Variants in CACNG2 observed in about 807,000 individuals in gnomAD.
The protein encoded by CACNG2 is calcium voltage-gated channel auxiliary subunit gamma 2.
A neutral mutation model predicts 25.9 loss-of-function variants in CACNG2; 3 were observed. That is an observed-to-expected ratio of 0.12 (90% CI 0.05 to 0.30). The LOEUF is 0.30. Ranked by LOEUF, CACNG2 falls within the 10% of genes least tolerant of loss-of-function variation. The pLI is 1.00. For missense variants in CACNG2, 341 were observed against 432.5 expected, an observed-to-expected ratio of 0.79 and a Z score of 1.88; for synonymous variants, 167 against 173.3, an observed-to-expected ratio of 0.96 and a Z score of 0.29.
intron 2 of CACNG2, among the ~76,000 whole-genome samples, chr22:36,574,627 A>G (rs934956839): frequency 2.0e-5 from 3 of 152,170 alleles, no homozygotes; most frequent in Non-Finnish European, 2.9e-5. Flanking sequence ...CTAAAAAAAT[A>G]CAAAATTAGC....
chr22:36,587,428 C>A (rs770988298), intron 2 of CACNG2, 37 bp downstream of exon 2: 1 of 1,471,134 alleles, frequency 6.8e-7, no homozygotes, highest in East Asian at 2.3e-5. Flanking sequence ...CAGGGCCCAC[C>A]ACCAGGAGGG....
intron 1 of CACNG2, among the ~76,000 whole-genome samples, chr22:36,652,837 T>C (rs1017188158): frequency 7.9e-5 from 12 of 152,112 alleles, no homozygotes; most frequent in African/African-American, 2.7e-4. Flanking sequence ...ACTGCTCTAG[T>C]TACTTTTCAC....
chr22:36,678,541 C>G (rs1400575335), intron 1 of CACNG2, among the ~76,000 whole-genome samples: 1 of 152,048 alleles, frequency 6.6e-6, no homozygotes, highest in African/African-American at 2.4e-5. Context: ...CCTTCTCCCC[C>G]ACAGTTCTGA....
intron 1 of CACNG2, among the ~76,000 whole-genome samples, chr22:36,700,046 A>G (rs1334481951): frequency 2.6e-5 from 4 of 152,364 alleles, no homozygotes; most frequent in Non-Finnish European, 4.4e-5. Context: ...GAAAGGGAGT[A>G]TCATCCCTGA....
At chr22:36,698,305 C>T (rs2146020762) in intron 1 of CACNG2, among the ~76,000 whole-genome samples, 1 of 152,256 alleles carries the variant, frequency 6.6e-6, no homozygotes, top group Non-Finnish European at 1.5e-5. Context: ...TTCTTATGCG[C>T]TTCCTGTGTG....
At chr22:36,571,776 C>G (rs557694915) in intron 2 of CACNG2, among the ~76,000 whole-genome samples, 3 of 151,208 alleles carry the variant, frequency 2.0e-5, no homozygotes, top group African/African-American at 7.3e-5. Context: ...ACTTGGGGGG[C>G]TGAGGCAGGA....
At chr22:36,584,302 A>T (rs1935465780) in intron 2 of CACNG2, among the ~76,000 whole-genome samples, 1 of 152,146 alleles carries the variant, frequency 6.6e-6, no homozygotes, top group Non-Finnish European at 1.5e-5. Context: ...AAATACAAAA[A>T]AATTAGCCAG....
intron 1 of CACNG2, among the ~76,000 whole-genome samples, chr22:36,600,952 AAC>A (rs1935746402): frequency 6.6e-6 from 1 of 152,234 alleles, no homozygotes; most frequent in African/African-American, 2.4e-5. Context: ...TGGAAAAACT[AAC>A]ACATCCATCA....
chr22:36,638,167 C>G (rs1468816724), intron 1 of CACNG2, among the ~76,000 whole-genome samples: 1 of 152,212 alleles, frequency 6.6e-6, no homozygotes, highest in African/African-American at 2.4e-5. Flanking sequence ...CCACCCATTT[C>G]TCATCACTGC....
chr22:36,658,015 T>G (rs1936733768), intron 1 of CACNG2, among the ~76,000 whole-genome samples: 1 of 152,172 alleles, frequency 6.6e-6, no homozygotes, highest in East Asian at 1.9e-4. Flanking sequence ...GACTTTTCAC[T>G]TCTGGGGGTT....
At chr22:36,679,512 ACAAT>A (rs1937068831) in intron 1 of CACNG2, among the ~76,000 whole-genome samples, 1 of 152,218 alleles carries the variant, frequency 6.6e-6, no homozygotes, top group Non-Finnish European at 1.5e-5. Flanking sequence ...GAACCAGATT[ACAAT>A]CAGTTATGCA....
intron 1 of CACNG2, among the ~76,000 whole-genome samples, chr22:36,624,026 C>T (rs1009423750): frequency 7.9e-5 from 12 of 152,118 alleles, no homozygotes; most frequent in Non-Finnish European, 1.5e-4. Flanking sequence ...TCCTAAGCGG[C>T]GACTCCTCAC....
At position 36,671,001 on chromosome 22, in the gene CACNG2, C is replaced by A. The variant is rs1239951985; in HGVS notation, c.211+31365G>T. ...TGGCATGATCTTGGCTCACTGCAAC[C>A]TCTGCCTCCTGGGTTCAAGCGATTC... On this transcript the variant is annotated intron_variant, in intron 1 of 3. Coordinates refer to ENST00000300105, the MANE Select transcript of CACNG2 (RefSeq NM_006078.5). Among the ~76,000 whole-genome samples the A allele has an allele frequency of 2.6e-5, 4 of 151,890 alleles. No homozygotes were observed. The East Asian group carries it at 7.7e-4, about 29-fold the overall frequency.
intron 1 of CACNG2, among the ~76,000 whole-genome samples, chr22:36,632,973 C>G (rs1341192580): frequency 2.0e-5 from 3 of 152,132 alleles, no homozygotes; most frequent in Non-Finnish European, 4.4e-5. Flanking sequence ...TCCAGCTCAC[C>G]CAATCTACTT....
chr22:36,579,436 C>T (rs574394781), intron 2 of CACNG2, among the ~76,000 whole-genome samples: 9 of 148,030 alleles, frequency 6.1e-5, no homozygotes, highest in East Asian at 2.0e-4. Context: ...AAAAAGCTGC[C>T]GGCTGTCTTG....
intron 1 of CACNG2, among the ~76,000 whole-genome samples, chr22:36,684,645 G>T (rs1013049295): frequency 6.8e-6 from 1 of 147,380 alleles, no homozygotes; most frequent in Non-Finnish European, 1.5e-5. Context: ...AGTAAAAAAA[G>T]ATATGTGTTT....
chr22:36,568,787 T>C (rs534454215), intron 2 of CACNG2, among the ~76,000 whole-genome samples: 1 of 147,974 alleles, frequency 6.8e-6, no homozygotes, highest in Non-Finnish European at 1.5e-5. Flanking sequence ...TGCTCACAAA[T>C]GGGTGAGTGG....
At chr22:36,637,839 T>A (rs1453943593) in intron 1 of CACNG2, among the ~76,000 whole-genome samples, 3 of 152,030 alleles carry the variant, frequency 2.0e-5, no homozygotes, top group Non-Finnish European at 2.9e-5. Flanking sequence ...CTGGCCAACA[T>A]GGTGAAACTC....
At chr22:36,597,758 A>G (rs1414872426) in intron 1 of CACNG2, among the ~76,000 whole-genome samples, 1 of 152,098 alleles carries the variant, frequency 6.6e-6, no homozygotes, top group African/African-American at 2.4e-5. Flanking sequence ...CCAGGTTCAG[A>G]TTCGGTGACT....
Sources: allele counts gnomAD v4.1 joint callset (sites outside exome capture counted in the v4.1 genomes callset), GRCh38; gene constraint gnomAD v4.1.1; transcripts MANE v1.5; gene names NCBI Gene and HGNC (gene_info 2026-07-23, HGNC 2026-07-21).